The following SMARCA2 variants were observed in gnomAD, a reference collection of about 807,000 sequenced individuals.
SMARCA2 encodes SWI/SNF related BAF chromatin remodeling complex subunit ATPase 2, also known as SWI/SNF-related matrix-associated actin-dependent regulator of chromatin subfamily A member 2.
A neutral mutation model predicts 199.8 loss-of-function variants in SMARCA2; 61 were observed. That is an observed-to-expected ratio of 0.31 (90% CI 0.25 to 0.38). The LOEUF (loss-of-function observed/expected upper bound fraction) is 0.38, where lower values mean the gene tolerates loss of function less well. Ranked by LOEUF, SMARCA2 falls within the 10% of genes least tolerant of loss-of-function variation. The pLI is 1.00. For missense variants in SMARCA2, 1,344 were observed against 2,012.2 expected, an observed-to-expected ratio of 0.67 and a Z score of 6.35; for synonymous variants, 935 against 732.0, an observed-to-expected ratio of 1.28 and a Z score of -4.48.
chr9:2,034,718 T>C (rs1345764057), intron 3 of SMARCA2, among the ~76,000 whole-genome samples: 1 of 152,242 alleles, frequency 6.6e-6, no homozygotes, highest in Non-Finnish European at 1.5e-5. Context: ...TTTTGAAATA[T>C]AAATAGGCAA....
rs531199935 is a variant in SMARCA2 at position 2,165,848 on chromosome 9, C to T, written c.4199+3945C>T. On this transcript the variant is annotated intron_variant, in intron 28 of 33. Transcript: ENST00000349721. The stretch of plus-strand genomic sequence containing the variant: ...AAGAAGAGAGAGAGATTCCTAGAGG[C>T]ATTATTAACGTTGGAAGGGATGTTT... Among the ~76,000 whole-genome samples, 95 of 152,244 alleles carry T rather than the reference C, an allele frequency of 6.2e-4. 1 individual carries two copies. Among genetic ancestry groups the T allele is most frequent in the African/African-American group, 2.1e-3 (87 of 41,540 alleles).
Position 2,170,605 on chromosome 9 carries a change from C to T in SMARCA2, c.4253+133C>T, listed in dbSNP as rs557458125. ...CTCCTGATCACCCCTACTTGGAGAGCGGGATAGAGGCACAGATACTCTTAA... is the reference window on the plus strand; with the variant it reads ...CTCCTGATCACCCCTACTTGGAGAGTGGGATAGAGGCACAGATACTCTTAA... On this transcript the variant is annotated intron_variant, in intron 29 of 33. Transcript: ENST00000349721. This position sits in a 1 kb window ranked among gnomAD's most constrained non-coding sequence, Gnocchi z 4.7. 3.8e-5 allele frequency: 54 copies of T among 1,428,838 alleles called. No homozygotes were observed. The highest frequency in any genetic ancestry group is 2.1e-4 in the East Asian group (9 of 42,724). The allele number at this position is 1,428,838 out of a possible 1,614,324, so 88.5% of individuals were successfully genotyped here. A position where few individuals can be genotyped will look rare whatever the true frequency, so the allele number is the denominator to read the frequency against.
At chr9:2,066,028 A>G (rs1219762762) in intron 9 of SMARCA2, among the ~76,000 whole-genome samples, 2 of 152,224 alleles carry the variant, frequency 1.3e-5, no homozygotes, top group African/African-American at 4.8e-5. Flanking sequence ...ATCCCTGGGC[A>G]TTTTTTAAAA....
chr9:2,114,399 T>C (rs1823131365), intron 24 of SMARCA2, among the ~76,000 whole-genome samples: 1 of 152,250 alleles, frequency 6.6e-6, no homozygotes, highest in Non-Finnish European at 1.5e-5. Context: ...CAGCCTTTTG[T>C]CTGCTGCCTT....
chr9:2,117,120 T>C (rs1172491932), intron 25 of SMARCA2, among the ~76,000 whole-genome samples: 1 of 152,092 alleles, frequency 6.6e-6, no homozygotes, highest in East Asian at 1.9e-4. Flanking sequence ...TGAATGTGCA[T>C]CCCTTCTGCA....
chr9:2,049,744 A>C (rs1050128878), intron 5 of SMARCA2, among the ~76,000 whole-genome samples: 2 of 152,224 alleles, frequency 1.3e-5, no homozygotes, highest in Non-Finnish European at 2.9e-5. Context: ...CAGAGATTAA[A>C]TTTATCCCTT....
chr9:2,073,541 C>G (rs779484161), intron 11 of SMARCA2, 25 bp from the exon 12 acceptor site: 6 of 1,597,266 alleles, frequency 3.8e-6, no homozygotes, highest in African/African-American at 1.3e-5. Flanking sequence ...TAAGCCCCCT[C>G]CTCTTCCTCA....
chr9:2,154,586 T>C (rs1825244591), intron 27 of SMARCA2, among the ~76,000 whole-genome samples: 1 of 152,156 alleles, frequency 6.6e-6, no homozygotes, highest in African/African-American at 2.4e-5. Context: ...TGCAGTAGCG[T>C]GGAACCCTGG....
At chr9:2,137,511 A>T (rs1380765887) in intron 27 of SMARCA2, among the ~76,000 whole-genome samples, 1 of 152,132 alleles carries the variant, frequency 6.6e-6, no homozygotes, top group Admixed American at 6.5e-5. Flanking sequence ...CCAGATCTTC[A>T]TGTGGCTGTC....
At chr9:2,066,519 A>G (rs978167877) in intron 9 of SMARCA2, among the ~76,000 whole-genome samples, 1 of 152,212 alleles carries the variant, frequency 6.6e-6, no homozygotes, top group Non-Finnish European at 1.5e-5. Flanking sequence ...CTTTAGTTTG[A>G]GTAATTTTTA....
intron 2 of SMARCA2, 59 bp from the exon 3 acceptor site, chr9:2,032,893 C>G: frequency 1.3e-6 from 2 of 1,531,514 alleles, no homozygotes; most frequent in Non-Finnish European, 1.8e-6. Flanking sequence ...TCTGAAAACT[C>G]CAAATAGAAA....
Position 2,119,426 on chromosome 9 carries a change from A to G in SMARCA2, c.3685-32A>G. On this transcript the variant is annotated intron_variant, in intron 25 of 33. Transcript: ENST00000349721. This position sits in a 1 kb window ranked among gnomAD's most constrained non-coding sequence, Gnocchi z 4.6. ...TGTTTGTACCTTGCCCCAGCTGTCC[A>G]CTGGTTAAAATCACTCTGTTTTTAA... The G allele has an allele frequency of 1.3e-6, 2 of 1,490,310 alleles. No homozygotes were observed. The highest frequency in any genetic ancestry group is 1.9e-6 in the Non-Finnish European group (2 of 1,067,054). 92.3% of individuals were successfully genotyped at this position (1,490,310 alleles called of 1,614,324 possible).
At chr9:2,191,083 A>G (rs1365191648) in intron 32 of SMARCA2, among the ~76,000 whole-genome samples, 183 bp from the exon 33 acceptor site, 1 of 152,164 alleles carries the variant, frequency 6.6e-6, no homozygotes. Context: ...CCAAAAGAAG[A>G]CAGGTTGGCA....
chr9:2,182,089 T>G, intron 30 of SMARCA2, 52 bp from the exon 31 acceptor site: 3 of 1,154,158 alleles, frequency 2.6e-6, no homozygotes, highest in Non-Finnish European at 3.9e-6. Context: ...TAATGATCGC[T>G]GAATTTTCCT....
Position 2,056,928 on chromosome 9 carries a change from A to C in SMARCA2, c.1347+83A>C, listed in dbSNP as rs1348463628. Reference sequence around the variant, plus strand: ...ATCAAATGGGGTCAGAATGACTGAAAAATGGACCCTTGTGGGTGGTGGGGA... The same window carrying C: ...ATCAAATGGGGTCAGAATGACTGAACAATGGACCCTTGTGGGTGGTGGGGA... On this transcript the variant is annotated intron_variant, in intron 7 of 33. Transcript: ENST00000349721. The surrounding 1 kb of genome is among the most constrained non-coding windows in gnomAD (Gnocchi z 4.0). 7.7e-7 allele frequency: 1 copy of C among 1,292,272 alleles called. No homozygotes were observed. The highest frequency in any genetic ancestry group is 1.1e-6 in the Non-Finnish European group (1 of 929,026). The allele number at this position is 1,292,272 out of a possible 1,614,324, so 80.1% of individuals were successfully genotyped here.
intron 29 of SMARCA2, among the ~76,000 whole-genome samples, chr9:2,174,665 A>G (rs938106018): frequency 7.9e-5 from 12 of 152,098 alleles, no homozygotes; most frequent in Admixed American, 4.6e-4. Flanking sequence ...CACACCTGTA[A>G]TTCCCAGCAC....
intron 27 of SMARCA2, among the ~76,000 whole-genome samples, chr9:2,124,303 C>A (rs894715959): frequency 1.3e-5 from 2 of 152,206 alleles, no homozygotes; most frequent in African/African-American, 4.8e-5. Flanking sequence ...TGTGGAAGGG[C>A]ACCTTAGAGA....
At chr9:2,191,508 C>T (rs1357013423) in intron 33 of SMARCA2, 100 bp downstream of exon 33, 2 of 1,278,466 alleles carry the variant, frequency 1.6e-6, no homozygotes, top group Admixed American at 2.0e-5. Flanking sequence ...CTTTATTACC[C>T]AGGACTGGAA....
intron 27 of SMARCA2, among the ~76,000 whole-genome samples, chr9:2,147,357 G>A (rs1211598465): frequency 2.0e-5 from 3 of 151,716 alleles, no homozygotes; most frequent in South Asian, 2.1e-4. Context: ...ATTGGTCAAC[G>A]AAAACATTCA....
Sources: gnomAD v4.1 joint callset for allele counts (sites outside exome capture counted in the v4.1 genomes callset) on GRCh38, gnomAD v4.1.1 for gene constraint, Gnocchi (gnomAD v3.1) non-coding constraint, MANE v1.5 for transcripts, NCBI Gene and HGNC (gene_info 2026-07-23, HGNC 2026-07-21) for gene names.